IGF2BP3: variants seen among roughly 807,000 people sequenced by gnomAD.
IGF2BP3 encodes the protein insulin like growth factor 2 mRNA binding protein 3.
In IGF2BP3, 9 loss-of-function variants were observed where a neutral mutation model predicts 73.8. The observed-to-expected ratio is 0.12, with a 90% CI of 0.07 to 0.21. IGF2BP3 has a LOEUF of 0.21. IGF2BP3 is among the 10% of genes least tolerant of loss of function. The pLI is 1.00. For missense variants in IGF2BP3, 542 were observed against 714.0 expected (o/e 0.76, Z 2.75); for synonymous variants, 258 against 256.7 (o/e 1.01, Z -0.05).
intron 2 of IGF2BP3, among the ~76,000 whole-genome samples, chr7:23,466,812 C>T (rs1788576550): frequency 6.6e-6 from 1 of 152,096 alleles, no homozygotes; most frequent in African/African-American, 2.4e-5. Context: ...ACATGTAGCT[C>T]GATGAATTGT....
intron 5 of IGF2BP3, among the ~76,000 whole-genome samples, chr7:23,353,795 G>A (rs143702435): frequency 6.6e-6 from 1 of 152,326 alleles, no homozygotes; most frequent in African/African-American, 2.4e-5. Flanking sequence ...CTTGATGACA[G>A]AACGTTAAGT....
intron 3 of IGF2BP3, among the ~76,000 whole-genome samples, chr7:23,382,972 C>T (rs2128517836): frequency 6.8e-6 from 1 of 147,210 alleles, no homozygotes; most frequent in South Asian, 2.2e-4. Context: ...TCTTGGGAGG[C>T]TGAGGCAGGA....
chr7:23,335,456 A>C (rs917995039), intron 10 of IGF2BP3, among the ~76,000 whole-genome samples: 2 of 150,930 alleles, frequency 1.3e-5, no homozygotes, highest in African/African-American at 4.9e-5. Context: ...AATCTAAAAA[A>C]GTTTTTTTTT....
chr7:23,336,248 A>G (rs913998493), intron 10 of IGF2BP3, among the ~76,000 whole-genome samples: 3 of 152,236 alleles, frequency 2.0e-5, no homozygotes, highest in Non-Finnish European at 2.9e-5. Context: ...CAGGCAATAT[A>G]CATTTAAAAT....
chr7:23,337,632 G>A (rs372275247), intron 10 of IGF2BP3, among the ~76,000 whole-genome samples: 2 of 152,352 alleles, frequency 1.3e-5, no homozygotes, highest in Admixed American at 6.5e-5. Context: ...CCAACATGAG[G>A]CAAACAGAAG....
chr7:23,403,267 C>A (rs1786725146), intron 3 of IGF2BP3, among the ~76,000 whole-genome samples: 1 of 152,202 alleles, frequency 6.6e-6, no homozygotes, highest in Non-Finnish European at 1.5e-5. Flanking sequence ...CCTGTCTCAA[C>A]ACCAGTATTG....
chr7:23,416,674 A>G (rs924457313), intron 3 of IGF2BP3, among the ~76,000 whole-genome samples: 9 of 152,230 alleles, frequency 5.9e-5, no homozygotes, highest in Admixed American at 3.3e-4. Flanking sequence ...ATCTTCCATT[A>G]TAAAAATTGT....
intron 10 of IGF2BP3, among the ~76,000 whole-genome samples, chr7:23,330,625 C>T (rs556737078): frequency 6.6e-6 from 1 of 152,250 alleles, no homozygotes; most frequent in South Asian, 2.1e-4. Flanking sequence ...GAACTGAAAG[C>T]AACAACTGAA....
chr7:23,450,224 C>T (rs1184977366), intron 2 of IGF2BP3, among the ~76,000 whole-genome samples: 1 of 152,178 alleles, frequency 6.6e-6, no homozygotes, highest in Non-Finnish European at 1.5e-5. Flanking sequence ...GGGAAGCATG[C>T]ATAAAGCACT....
chr7:23,432,796 G>A (rs1043738145), intron 2 of IGF2BP3, among the ~76,000 whole-genome samples: 1 of 152,016 alleles, frequency 6.6e-6, no homozygotes, highest in Non-Finnish European at 1.5e-5. Flanking sequence ...ATGCGCTACC[G>A]CACCCAGCTA....
chr7:23,362,335 C>T (rs541672026), intron 3 of IGF2BP3, among the ~76,000 whole-genome samples: 50 of 152,078 alleles, frequency 3.3e-4, no homozygotes, highest in Non-Finnish European at 6.5e-4. Context: ...TTTTACAGCT[C>T]GAATGGTTCT....
At chr7:23,329,809 T>C (rs1209728702) in intron 10 of IGF2BP3, among the ~76,000 whole-genome samples, 2 of 152,154 alleles carry the variant, frequency 1.3e-5, no homozygotes, top group Non-Finnish European at 2.9e-5. Context: ...ACAGATCCAA[T>C]TTCTAGAAAC....
chr7:23,402,513 A>C (rs1786699702), intron 3 of IGF2BP3: 1 of 152,200 alleles, frequency 6.6e-6, no homozygotes, highest in African/African-American at 2.4e-5. Context: ...ACATTTGAGC[A>C]TTTGGCCAGG....
At chr7:23,463,576 T>C (rs1788498477) in intron 2 of IGF2BP3, among the ~76,000 whole-genome samples, 1 of 152,208 alleles carries the variant, frequency 6.6e-6, no homozygotes, top group Non-Finnish European at 1.5e-5. Flanking sequence ...CCCCTTGTAG[T>C]TTATCATAAT....
At chr7:23,394,271 G>A (rs1418346654) in intron 3 of IGF2BP3, among the ~76,000 whole-genome samples, 4 of 152,094 alleles carry the variant, frequency 2.6e-5, no homozygotes, top group African/African-American at 7.2e-5. Context: ...GTTGGAGACC[G>A]GCCTGAACAA....
At chr7:23,400,927 G>A (rs1187804774) in intron 3 of IGF2BP3, among the ~76,000 whole-genome samples, 1 of 152,180 alleles carries the variant, frequency 6.6e-6, no homozygotes, top group East Asian at 1.9e-4. Flanking sequence ...AGCCTCCCGA[G>A]TAGCTGGGAT....
chr7:23,445,246 ACT>A (rs534435492), intron 2 of IGF2BP3, among the ~76,000 whole-genome samples: 8 of 152,240 alleles, frequency 5.3e-5, no homozygotes, highest in Non-Finnish European at 8.8e-5. Context: ...TGCCATGTGC[ACT>A]GTTTTTCTAA....
At chr7:23,391,638 G>A (rs1786281182) in intron 3 of IGF2BP3, among the ~76,000 whole-genome samples, 1 of 152,154 alleles carries the variant, frequency 6.6e-6, no homozygotes. Flanking sequence ...GGTACTACAA[G>A]ACATCTACTT....
intron 10 of IGF2BP3, among the ~76,000 whole-genome samples, chr7:23,341,159 T>C (rs985826510): frequency 6.6e-6 from 1 of 152,090 alleles, no homozygotes; most frequent in East Asian, 1.9e-4. Context: ...CTAAGATTTA[T>C]TTCTTATATA....
Sources: gnomAD v4.1 joint callset for allele counts (sites outside exome capture counted in the v4.1 genomes callset) on GRCh38, gnomAD v4.1.1 for gene constraint, MANE v1.5 for transcripts, NCBI Gene and HGNC (gene_info 2026-07-23, HGNC 2026-07-21) for gene names.